CSMD2: variants seen among roughly 807,000 people sequenced by gnomAD.
CSMD2 encodes the protein CUB and sushi domain-containing protein 2.
A neutral mutation model predicts 398.5 loss-of-function variants in CSMD2; 130 were observed. The ratio of observed to expected loss-of-function variants is 0.33; its 90% CI spans 0.28 to 0.38. CSMD2 has a LOEUF of 0.38. Among genes scored for constraint, CSMD2 ranks in the 10% least tolerant of loss-of-function variants. CSMD2 has a pLI of 1.00. For missense variants in CSMD2, 3,829 were observed against 4,764.9 expected (o/e 0.80, Z 5.78); for synonymous variants, 1,828 against 1,908.5 (o/e 0.96, Z 1.10).
intron 62 of CSMD2, among the ~76,000 whole-genome samples, chr1:33,535,612 G>GT (rs1557495854): frequency 1.3e-5 from 2 of 152,188 alleles, no homozygotes; most frequent in African/African-American, 2.4e-5. Context: ...GAACTTTTGG[G>GT]TCATAGAGTG....
At chr1:33,654,607 C>A (rs759881815) in intron 27 of CSMD2, among the ~76,000 whole-genome samples, 2 of 152,234 alleles carry the variant, frequency 1.3e-5, no homozygotes, top group African/African-American at 4.8e-5. Flanking sequence ...GAGGCCAGTA[C>A]AATCAGTCTA....
intron 13 of CSMD2, among the ~76,000 whole-genome samples, chr1:33,756,437 T>C (rs913415239): frequency 6.6e-6 from 1 of 152,134 alleles, no homozygotes; most frequent in Admixed American, 6.5e-5. Flanking sequence ...AAAAAAGGAA[T>C]GAATGGCATA....
chr1:33,562,220 CA>C (rs1030026887), intron 53 of CSMD2, among the ~76,000 whole-genome samples: 21 of 118,274 alleles, frequency 1.8e-4, no homozygotes, highest in African/African-American at 6.0e-4. Flanking sequence ...CTGCCTGGTT[CA>C]GGCTCTTACC....
At chr1:33,822,521 G>A (rs567866534) in intron 7 of CSMD2, among the ~76,000 whole-genome samples, 9 of 152,260 alleles carry the variant, frequency 5.9e-5, no homozygotes, top group East Asian at 1.9e-4. Context: ...TGCAGTGCAC[G>A]TTCAAGCCAG....
intron 5 of CSMD2, among the ~76,000 whole-genome samples, chr1:33,904,208 C>A (rs1186179428): frequency 6.6e-6 from 1 of 152,306 alleles, no homozygotes; most frequent in East Asian, 1.9e-4. Context: ...GGGGTAGAAG[C>A]AGGGAGACAA....
chr1:34,079,844 GT>G (rs1244019439), intron 2 of CSMD2, among the ~76,000 whole-genome samples: 1 of 152,068 alleles, frequency 6.6e-6, no homozygotes, highest in Admixed American at 6.6e-5. Flanking sequence ...GGAAGTAACA[GT>G]AAGGACGCTT....
At chr1:33,970,719 C>A (rs1356312821) in intron 3 of CSMD2, among the ~76,000 whole-genome samples, 32 of 152,170 alleles carry the variant, frequency 2.1e-4, no homozygotes, top group Admixed American at 2.1e-3. Flanking sequence ...GGGGAGGGGC[C>A]CCTATGTCCA....
Position 34,032,645 on chromosome 1 carries a change from G to T in CSMD2, c.466C>A (p.Leu156Ile). The T allele has an allele frequency of 6.2e-7, 1 of 1,603,084 alleles. No homozygotes were observed. Among genetic ancestry groups the T allele is most frequent in the Non-Finnish European group, 8.5e-7 (1 of 1,175,008 alleles). ...VSAATTLSLR[L>I]ISDYAVSAQG... is the part of the protein sequence containing the mutation. ...GCACTGACTGCATAGTCGCTGATGA[G>T]GCGCAGAGAGAGGGTGGTGGCTGCA... Residue 156 changes from leucine to isoleucine, a missense_variant, in exon 3 of 71, where the codon CTC becomes ATC. By Grantham distance (5) the Leu-to-Ile change is conservative. Coordinates refer to ENST00000373381, the MANE Select transcript of CSMD2 (RefSeq NM_001281956.2).
chr1:34,100,584 T>C (rs1659841040), intron 1 of CSMD2, among the ~76,000 whole-genome samples: 1 of 152,166 alleles, frequency 6.6e-6, no homozygotes, highest in African/African-American at 2.4e-5. Flanking sequence ...CATTTCTCGG[T>C]TTTCTTTTGT....
chr1:33,901,252 C>T (rs1207574304), intron 5 of CSMD2, among the ~76,000 whole-genome samples: 2 of 152,222 alleles, frequency 1.3e-5, no homozygotes, highest in East Asian at 3.9e-4. Flanking sequence ...GCTCTGACAC[C>T]AGGCGAGGTG....
intron 15 of CSMD2, among the ~76,000 whole-genome samples, chr1:33,727,375 C>A (rs894785340): frequency 1.3e-5 from 2 of 152,202 alleles, no homozygotes; most frequent in African/African-American, 4.8e-5. Flanking sequence ...GTCCACATGT[C>A]CCATCCTGGG....
rs1220061755 is a variant in CSMD2, at chr1:33,587,015, C to A, written c.6937+73G>T. The A allele has an allele frequency of 5.7e-6, 7 of 1,220,312 alleles. No individual in the cohort carries two copies. The East Asian group carries it at 1.5e-4, about 27-fold the overall frequency. The allele number at this position is 1,220,312 out of a possible 1,614,324, so 75.6% of individuals were successfully genotyped here. ...CAGGGGATAAGGTCCACTGGCCCGA[C>A]AGCTCCCCCCGCCACCTTCCCTTCC... On this transcript the variant is annotated intron_variant, in intron 45 of 70. Transcript: ENST00000373381.
intron 15 of CSMD2, among the ~76,000 whole-genome samples, chr1:33,734,969 T>C (rs1646837888): frequency 6.6e-6 from 1 of 152,210 alleles, no homozygotes; most frequent in African/African-American, 2.4e-5. Context: ...TGTCATTTTG[T>C]TTCATGCTGT....
At chr1:33,576,680 T>G (rs940335892) in intron 49 of CSMD2, among the ~76,000 whole-genome samples, 1 of 152,210 alleles carries the variant, frequency 6.6e-6, no homozygotes, top group Non-Finnish European at 1.5e-5. Flanking sequence ...AAGAGCTTTG[T>G]ACACGGATGA....
chr1:33,556,889 A>G (rs968226866), intron 55 of CSMD2, among the ~76,000 whole-genome samples: 17 of 152,134 alleles, frequency 1.1e-4, no homozygotes, highest in African/African-American at 3.4e-4. Context: ...TTCTCCTTCC[A>G]CCATGATTGT....
intron 27 of CSMD2, among the ~76,000 whole-genome samples, chr1:33,656,116 C>T (rs1041261348): frequency 2.0e-5 from 3 of 151,418 alleles, no homozygotes; most frequent in Non-Finnish European, 4.4e-5. Flanking sequence ...AGTCTGAAGA[C>T]TTGAAAGAAG....
chr1:34,086,369 C>A (rs965739087), intron 2 of CSMD2, among the ~76,000 whole-genome samples: 1 of 152,164 alleles, frequency 6.6e-6, no homozygotes, highest in African/African-American at 2.4e-5. Flanking sequence ...GTATCTCTAG[C>A]CCTGACGGCC....
At chr1:34,072,721 G>C (rs369479842) in intron 2 of CSMD2, among the ~76,000 whole-genome samples, 1 of 152,062 alleles carries the variant, frequency 6.6e-6, no homozygotes, top group African/African-American at 2.4e-5. Context: ...TGAACCACAG[G>C]GTCCTACTGT....
At chr1:33,932,614 CA>C (rs1553255992) in intron 4 of CSMD2, among the ~76,000 whole-genome samples, 1 of 152,144 alleles carries the variant, frequency 6.6e-6, no homozygotes, top group Non-Finnish European at 1.5e-5. Flanking sequence ...TGCCTGGACA[CA>C]AAGACACTGG....
Sources: allele counts gnomAD v4.1 joint callset (sites outside exome capture counted in the v4.1 genomes callset), GRCh38; gene constraint gnomAD v4.1.1; transcripts MANE v1.5; gene names NCBI Gene and HGNC (gene_info 2026-07-23, HGNC 2026-07-21).